Variants in CADM2 observed in about 807,000 individuals in gnomAD.
CADM2 encodes the protein cell adhesion molecule 2, also known as immunoglobulin superfamily member 4D.
In CADM2, 12 loss-of-function variants were observed where a neutral mutation model predicts 49.8. That is an observed-to-expected ratio of 0.24 (90% CI 0.15 to 0.39). The LOEUF (loss-of-function observed/expected upper bound fraction) is 0.39. Ranked by LOEUF, CADM2 falls within the 10% of genes least tolerant of loss-of-function variation. CADM2 has a pLI of 1.00. For synonymous variants in CADM2, 214 were observed against 175.4 expected (o/e 1.22, Z -1.74); for missense variants, 378 against 492.3 (o/e 0.77, Z 2.20).
At chr3:85,794,805 C>G (rs559548213) in intron 2 of CADM2, among the ~76,000 whole-genome samples, 4 of 152,178 alleles carry the variant, frequency 2.6e-5, no homozygotes, top group Non-Finnish European at 5.9e-5. Flanking sequence ...CCTAAAGTAT[C>G]TAATTACTTT....
intron 1 of CADM2, among the ~76,000 whole-genome samples, chr3:85,294,326 G>A (rs1285658747): frequency 6.6e-6 from 1 of 152,070 alleles, no homozygotes. Context: ...TATGCTCATA[G>A]GTAGGAAGAA....
intron 1 of CADM2, among the ~76,000 whole-genome samples, chr3:85,303,016 C>T (rs1271475744): frequency 6.6e-6 from 1 of 151,884 alleles, no homozygotes; most frequent in Non-Finnish European, 1.5e-5. Flanking sequence ...TAAAAATGCT[C>T]TTTCATAACT....
intron 1 of CADM2, among the ~76,000 whole-genome samples, chr3:85,041,989 G>C (rs2035461784): frequency 6.6e-6 from 1 of 152,186 alleles, no homozygotes; most frequent in East Asian, 1.9e-4. Flanking sequence ...AAAAAGGCTT[G>C]TTTCACACAT....
chr3:86,041,508 G>A (rs1735931621), intron 8 of CADM2, among the ~76,000 whole-genome samples: 1 of 152,084 alleles, frequency 6.6e-6, no homozygotes, highest in African/African-American at 2.4e-5. Context: ...ATGGTAAAGG[G>A]ATCAATTCAA....
Position 85,830,840 on chromosome 3 carries a change from T to C in CADM2, c.238+28644T>C, listed in dbSNP as rs1244953895. ...TTATTTATTTATTTATTTATTTATT[T>C]ATAAACTTCTATTACAGGCCCAGGG... On this transcript the variant is annotated intron_variant, in intron 3 of 9. Coordinates refer to ENST00000383699, the MANE Select transcript of CADM2 (RefSeq NM_001167675.2). 4.3e-5 allele frequency among the ~76,000 whole-genome samples: 6 copies of C among 140,344 alleles called. No individual in the cohort carries two copies. The Admixed American group carries it at 4.5e-4, about 10-fold the overall frequency. 92.1% of individuals were successfully genotyped at this position (140,344 alleles called of 152,430 possible).
intron 7 of CADM2, among the ~76,000 whole-genome samples, chr3:85,953,190 GT>G (rs1559763293): frequency 6.6e-6 from 1 of 150,504 alleles, no homozygotes; most frequent in Non-Finnish European, 1.5e-5. Context: ...TCTGCTTTTC[GT>G]CCTATAGACT....
chr3:86,042,836 T>G (rs575928953), intron 8 of CADM2, among the ~76,000 whole-genome samples: 115 of 152,246 alleles, frequency 7.6e-4, no homozygotes, highest in African/African-American at 2.7e-3. Context: ...CTCAATAAAA[T>G]ACTGGCAAAC....
chr3:85,962,822 T>C (rs1280867092), intron 8 of CADM2, among the ~76,000 whole-genome samples: 2 of 151,968 alleles, frequency 1.3e-5, no homozygotes, highest in African/African-American at 4.8e-5. Context: ...TATTACAGTA[T>C]ACTAAATGAG....
intron 1 of CADM2, among the ~76,000 whole-genome samples, chr3:85,551,602 T>C (rs1350617746): frequency 5.3e-5 from 8 of 152,146 alleles, no homozygotes; most frequent in Non-Finnish European, 2.9e-5. Context: ...AGTTAAAGGG[T>C]TGTCTACTTA....
In CADM2 at chr3:85,154,817, GA is replaced by G. The variant is rs1358391304; in HGVS notation, c.61+195151del. ...CTTAAAGAAAAGAATTTTCAACCCA[GA>G]ATTTCATATCCAGCCAAACTAAGCT... On this transcript the variant is annotated intron_variant, in intron 1 of 9. Coordinates refer to ENST00000383699, the MANE Select transcript of CADM2 (RefSeq NM_001167675.2). Among the ~76,000 whole-genome samples, 4 of 147,562 alleles carry G rather than the reference GA, an allele frequency of 2.7e-5. No homozygotes were observed. In the Admixed American group the frequency reaches 2.7e-4, roughly 10 times the overall value.
intron 1 of CADM2, among the ~76,000 whole-genome samples, chr3:85,212,812 C>CTCTT (rs61255712): frequency 0.051 from 5,258 of 102,408 alleles, 316 homozygotes; most frequent in East Asian, 0.083. Flanking sequence ...TCTTTTTCTT[C>CTCTT]TCTTTCTTTC....
At chr3:85,869,129 A>T (rs1377921835) in intron 3 of CADM2, among the ~76,000 whole-genome samples, 1 of 151,810 alleles carries the variant, frequency 6.6e-6, no homozygotes, top group African/African-American at 2.4e-5. Context: ...TTTTTATTTA[A>T]TTCATTTTTG....
At chr3:85,491,065 T>A (rs1198499901) in intron 1 of CADM2, among the ~76,000 whole-genome samples, 1 of 152,202 alleles carries the variant, frequency 6.6e-6, no homozygotes, top group East Asian at 1.9e-4. Flanking sequence ...GTCAAAGCAC[T>A]TTCTCCAGAC....
At chr3:85,758,156 G>A (rs1033469908) in intron 2 of CADM2, among the ~76,000 whole-genome samples, 1 of 152,128 alleles carries the variant, frequency 6.6e-6, no homozygotes, top group African/African-American at 2.4e-5. Context: ...CCGTAAATTA[G>A]CACCAGGTTG....
intron 8 of CADM2, among the ~76,000 whole-genome samples, chr3:86,003,383 A>G (rs1402129706): frequency 6.6e-6 from 1 of 152,116 alleles, no homozygotes; most frequent in Non-Finnish European, 1.5e-5. Context: ...CAATAACCCC[A>G]TGTCTTCTGC....
intron 2 of CADM2, among the ~76,000 whole-genome samples, chr3:85,788,598 A>G (rs2071143009): frequency 6.6e-6 from 1 of 152,130 alleles, no homozygotes; most frequent in Admixed American, 6.6e-5. Context: ...CCAAAATAAA[A>G]ATAACGTCAA....
intron 7 of CADM2, among the ~76,000 whole-genome samples, chr3:85,940,829 T>C (rs562960372): frequency 6.6e-6 from 1 of 152,186 alleles, no homozygotes; most frequent in South Asian, 2.1e-4. Flanking sequence ...ACTGAGTATT[T>C]TTTTTCCTTT....
Position 85,424,890 on chromosome 3 carries a change from G to T in CADM2, c.62-301632G>T, listed in dbSNP as rs1286548484. The stretch of plus-strand genomic sequence containing the variant: ...AATATATATTTGCTTACATACATTT[G>T]CCTGTATATACTAGCCTTGATATAA... On this transcript the variant is annotated intron_variant, in intron 1 of 9. Coordinates refer to ENST00000383699, the MANE Select transcript of CADM2 (RefSeq NM_001167675.2). Among the ~76,000 whole-genome samples the T allele has an allele frequency of 2.6e-5, 4 of 151,894 alleles. No individual in the cohort carries two copies. In the East Asian group the frequency reaches 5.8e-4, roughly 22 times the overall value.
chr3:85,186,709 T>C (rs1376317374), intron 1 of CADM2, among the ~76,000 whole-genome samples: 2 of 151,934 alleles, frequency 1.3e-5, no homozygotes, highest in African/African-American at 4.8e-5. Context: ...GTCTTGACAA[T>C]CGGAAACGTC....
Sources: allele counts gnomAD v4.1 joint callset (sites outside exome capture counted in the v4.1 genomes callset), GRCh38; gene constraint gnomAD v4.1.1; transcripts MANE v1.5; gene names NCBI Gene and HGNC (gene_info 2026-07-23, HGNC 2026-07-21).